SNX16: variants seen among roughly 807,000 people sequenced by gnomAD.
The protein encoded by SNX16 is sorting nexin-16.
In SNX16, 35 loss-of-function variants were observed where a neutral mutation model predicts 36.7. The observed-to-expected ratio is 0.95, with a 90% CI of 0.73 to 1.27. The LOEUF is 1.27. Ranked by LOEUF, SNX16 falls within the 50% of genes most tolerant of loss-of-function variation. The pLI is 0.00. For synonymous variants in SNX16, 134 were observed against 132.0 expected (o/e 1.02, Z -0.10); for missense variants, 367 against 393.6 (o/e 0.93, Z 0.57).
rs1563428324 is a variant in SNX16, at chr8:81,803,168, G to A, written c.742C>T (p.Gln248Ter). The A allele has an allele frequency of 5.0e-6, 8 of 1,611,816 alleles. No individual in the cohort carries two copies. The highest frequency in any genetic ancestry group is 6.8e-6 in the Non-Finnish European group (8 of 1,178,766). ...TTCTTTAGTGATTCCATCTCCTTTT[G>A]TTTTTCAAGTAGTTCTTTCTGTAAG... is the stretch of plus-strand genomic sequence containing the variant. Reference protein sequence around the residue: ...YRLQKELLEKQKEMESLKKLL... With the variant: ...YRLQKELLEK The change falls in exon 6 of 8, where the codon CAA (glutamine) becomes TAA (stop). Residue 248 changes from glutamine (Q) to a stop codon, truncating the protein, a stop_gained. Transcript: ENST00000345957. LOFTEE classifies it high-confidence loss of function.
At chr8:81,838,379 C>T (rs997782785) in intron 2 of SNX16, among the ~76,000 whole-genome samples, 1 of 152,036 alleles carries the variant, frequency 6.6e-6, no homozygotes, top group Non-Finnish European at 1.5e-5. Context: ...AAAGTACATA[C>T]ACTGCTACAT....
intron 5 of SNX16, among the ~76,000 whole-genome samples, chr8:81,805,246 T>C (rs1014195814): frequency 6.6e-6 from 1 of 152,126 alleles, no homozygotes; most frequent in East Asian, 1.9e-4. Flanking sequence ...AAAAAAGTGC[T>C]TGAAAAATTA....
chr8:81,801,418 T>G lies in SNX16; in HGVS notation c.*79A>C. 1.3e-6 allele frequency: 1 copy of G among 793,908 alleles called. No homozygotes were observed. Among genetic ancestry groups the G allele is most frequent in the Non-Finnish European group, 2.0e-6 (1 of 506,202 alleles). 49.2% of individuals were successfully genotyped at this position (793,908 alleles called of 1,614,324 possible). A position where few individuals can be genotyped will look rare whatever the true frequency, so the allele number is the denominator to read the frequency against. On this transcript the variant is annotated 3_prime_UTR_variant, in exon 8 of 8. Coordinates refer to ENST00000345957, the MANE Select transcript of SNX16 (RefSeq NM_152836.3). The stretch of plus-strand genomic sequence containing the variant: ...TCTTTTCTATATGTTTTACAGTTCT[T>G]GGTTCTTCTTTTAAAATAGTATTTG...
Position 81,823,910 on chromosome 8 carries a change from C to T in SNX16, c.493G>A (p.Ala165Thr), listed in dbSNP as rs1485750215. The change falls in exon 4 of 8, where the codon GCA (alanine) becomes ACA (threonine). Residue 165 changes from alanine to threonine, a missense_variant. Coordinates refer to ENST00000345957, the MANE Select transcript of SNX16 (RefSeq NM_152836.3). ...TTAAACCAGCGTTTTGGAGGAAGTG[C>T]TAGTCGAAAACCTGGAAACATCTCT... is the stretch of plus-strand genomic sequence containing the variant. ...LKEMFPGFRL[A>T]LPPKRWFKDN... The T allele has an allele frequency of 4.3e-6, 7 of 1,610,760 alleles. No individual in the cohort carries two copies. Among genetic ancestry groups the T allele is most frequent in the African/African-American group, 2.7e-5 (2 of 74,724 alleles).
intron 4 of SNX16, among the ~76,000 whole-genome samples, chr8:81,815,929 A>G (rs1810464641): frequency 6.6e-6 from 1 of 152,130 alleles, no homozygotes; most frequent in Non-Finnish European, 1.5e-5. Flanking sequence ...TCTCTAAATG[A>G]CCACAAATTT....
At chr8:81,815,430 A>C in intron 4 of SNX16, 36 bp from the exon 5 acceptor site, 1 of 1,590,660 alleles carries the variant, frequency 6.3e-7, no homozygotes, top group Non-Finnish European at 8.6e-7. Context: ...CTGAAGTACA[A>C]ATAAGTTTGC....
chr8:81,822,947 CATATATAT>C (rs949455303), intron 4 of SNX16, among the ~76,000 whole-genome samples: 7 of 52,340 alleles, frequency 1.3e-4, no homozygotes, highest in Middle Eastern at 0.011. Context: ...TATACATATA[CATATATAT>C]ATATATATAT....
At chr8:81,837,842 GAGAC>G (rs1423510579) in intron 2 of SNX16, among the ~76,000 whole-genome samples, 1 of 152,314 alleles carries the variant, frequency 6.6e-6, no homozygotes, top group East Asian at 1.9e-4. Flanking sequence ...AAGAGAGAGA[GAGAC>G]AGAGTTCCCT....
chr8:81,822,117 G>A (rs1041355943), intron 4 of SNX16, among the ~76,000 whole-genome samples: 2 of 152,062 alleles, frequency 1.3e-5, no homozygotes, highest in African/African-American at 4.8e-5. Context: ...GTTGAGAAGG[G>A]ATGGTACAGA....
At chr8:81,808,288 C>T (rs1159093743) in intron 5 of SNX16, 1 of 1,155,326 alleles carries the variant, frequency 8.7e-7, no homozygotes, top group Non-Finnish European at 1.3e-6. Flanking sequence ...CATGAATGGC[C>T]ACAACTGTGA....
At chr8:81,822,117 G>C (rs1041355943) in intron 4 of SNX16, among the ~76,000 whole-genome samples, 1 of 152,062 alleles carries the variant, frequency 6.6e-6, no homozygotes, top group East Asian at 1.9e-4. Context: ...GTTGAGAAGG[G>C]ATGGTACAGA....
At chr8:81,827,615 G>C (rs1293405439) in intron 3 of SNX16, among the ~76,000 whole-genome samples, 1 of 152,068 alleles carries the variant, frequency 6.6e-6, no homozygotes, top group African/African-American at 2.4e-5. Flanking sequence ...TTACAAGAAA[G>C]CATCTTAACC....
At chr8:81,807,593 C>T (rs1408503842) in intron 5 of SNX16, among the ~76,000 whole-genome samples, 2 of 145,692 alleles carry the variant, frequency 1.4e-5, no homozygotes, top group East Asian at 2.0e-4. Flanking sequence ...AACTATTTAG[C>T]ATAGAAGAAT....
At chr8:81,812,389 G>C (rs892049763) in intron 5 of SNX16, among the ~76,000 whole-genome samples, 2 of 152,042 alleles carry the variant, frequency 1.3e-5, no homozygotes, top group Non-Finnish European at 2.9e-5. Context: ...TCAAACTGCT[G>C]AAAGTCAAAC....
chr8:81,826,335 G>A (rs903862805), intron 3 of SNX16, among the ~76,000 whole-genome samples: 3 of 151,986 alleles, frequency 2.0e-5, no homozygotes, highest in Non-Finnish European at 4.4e-5. Context: ...ATATGAACCT[G>A]GAATGTCTTG....
chr8:81,811,417 A>T (rs565544240), intron 5 of SNX16, among the ~76,000 whole-genome samples: 1 of 152,298 alleles, frequency 6.6e-6, no homozygotes, highest in Admixed American at 6.5e-5. Flanking sequence ...CTTGAAAATG[A>T]CCTTAACTTT....
chr8:81,812,443 T>C (rs1317311133), intron 5 of SNX16, among the ~76,000 whole-genome samples: 1 of 151,680 alleles, frequency 6.6e-6, no homozygotes, highest in Non-Finnish European at 1.5e-5. Context: ...TGGCTCATCA[T>C]GCACATGGAA....
In SNX16 at chr8:81,800,159, G is replaced by A. The variant is rs1809622569; in HGVS notation, c.*1338C>T. ...ACATCAAGATACCGATAAACTTTTAGATAGTAAAGAAAAAAATGGAGATTG... is the reference window on the plus strand; with the variant it reads ...ACATCAAGATACCGATAAACTTTTAAATAGTAAAGAAAAAAATGGAGATTG... On this transcript the variant is annotated 3_prime_UTR_variant, in exon 8 of 8. Coordinates refer to ENST00000345957, the MANE Select transcript of SNX16 (RefSeq NM_152836.3). 1 of 151,738 alleles carries A rather than the reference G, an allele frequency of 6.6e-6. No individual in the cohort carries two copies. Among genetic ancestry groups the A allele is most frequent in the South Asian group, 2.1e-4 (1 of 4,816 alleles). The allele number at this position is 151,738 out of a possible 1,614,324, so 9.4% of individuals were successfully genotyped here. A position where few individuals can be genotyped will look rare whatever the true frequency, so the allele number is the denominator to read the frequency against.
rs769468328 is a variant in SNX16 at position 81,839,792 on chromosome 8, T to C, written c.195A>G (p.Ser65=). ...TAATGAGGGGACTGCTACAGACAGATGAAGTATTATCCATTTGATCAGGAA... is the reference window on the plus strand; with the variant it reads ...TAATGAGGGGACTGCTACAGACAGACGAAGTATTATCCATTTGATCAGGAA... ...TSVPDQMDNT[S]SVCSSPLIRT... is the part of the protein sequence containing the mutation. Residue 65 remains serine (S), a synonymous_variant, in exon 2 of 8, where the codon TCA becomes TCG. Transcript: ENST00000345957. 1.9e-6 allele frequency: 3 copies of C among 1,613,742 alleles called. No homozygotes were observed. Among genetic ancestry groups the C allele is most frequent in the Admixed American group, 1.7e-5 (1 of 60,030 alleles).
Sources: allele counts gnomAD v4.1 joint callset (sites outside exome capture counted in the v4.1 genomes callset), GRCh38; gene constraint gnomAD v4.1.1; transcripts MANE v1.5; gene names NCBI Gene and HGNC (gene_info 2026-07-23, HGNC 2026-07-21).